The following CNIH3 variants were observed in gnomAD, a reference collection of about 807,000 sequenced individuals.
CNIH3 encodes protein cornichon homolog 3.
Under a neutral mutation model 24.1 loss-of-function variants are expected in CNIH3, and 14 were observed. That is an observed-to-expected ratio of 0.58 (90% CI 0.38 to 0.91). CNIH3 has a LOEUF of 0.91. Ranked by LOEUF, CNIH3 falls within the 40% of genes least tolerant of loss-of-function variation. CNIH3 has a pLI of 0.00. For synonymous variants in CNIH3, 68 were observed against 73.8 expected, an observed-to-expected ratio of 0.92 and a Z score of 0.40; for missense variants, 178 against 196.8, an observed-to-expected ratio of 0.90 and a Z score of 0.57.
At chr1:224,573,098 T>C (rs1369337644) in intron 4 of CNIH3, among the ~76,000 whole-genome samples, 4 of 152,234 alleles carry the variant, frequency 2.6e-5, no homozygotes, top group Non-Finnish European at 5.9e-5. Flanking sequence ...ATTTCTGTAA[T>C]ATCACTAGTA....
chr1:224,576,884 T>C (rs1681058818), intron 4 of CNIH3, among the ~76,000 whole-genome samples: 1 of 152,162 alleles, frequency 6.6e-6, no homozygotes, highest in Non-Finnish European at 1.5e-5. Flanking sequence ...TGTAGACCTA[T>C]GGAACAGAAA....
chr1:224,633,579 T>C (rs1002716337), intron 1 of CNIH3, among the ~76,000 whole-genome samples: 3 of 152,220 alleles, frequency 2.0e-5, no homozygotes, highest in African/African-American at 7.2e-5. Flanking sequence ...AACAATAGAA[T>C]AGCCAGATTT....
chr1:224,609,140 A>T (rs1682567558), intron 3 of CNIH3, among the ~76,000 whole-genome samples: 2 of 152,148 alleles, frequency 1.3e-5, no homozygotes, highest in African/African-American at 4.8e-5. Context: ...TGCCCTGCTC[A>T]TCTCTGCCTG....
chr1:224,734,498 G>C, intron 4 of CNIH3, 65 bp from the exon 5 acceptor site: 3 of 1,551,862 alleles, frequency 1.9e-6, no homozygotes, highest in South Asian at 2.3e-5. Context: ...GCATCGGAAG[G>C]GTTTGCCCAG....
At chr1:224,526,175 T>C (rs1253678298) in intron 2 of CNIH3, among the ~76,000 whole-genome samples, 43 of 152,224 alleles carry the variant, frequency 2.8e-4, no homozygotes, top group Admixed American at 2.3e-3. Flanking sequence ...AAACTTCAAG[T>C]CAAAACTCCT....
At chr1:224,672,046 T>TC (rs1685890994) in intron 1 of CNIH3, among the ~76,000 whole-genome samples, 1 of 152,210 alleles carries the variant, frequency 6.6e-6, no homozygotes, top group Admixed American at 6.5e-5. Context: ...CTCATTTTTT[T>TC]CCTCTCCAGT....
downstream of CNIH3, among the ~76,000 whole-genome samples, chr1:224,542,366 A>C (rs533931597): frequency 1.6e-4 from 25 of 152,196 alleles, no homozygotes; most frequent in Non-Finnish European, 3.1e-4. Flanking sequence ...TTGGACTAAC[A>C]GAGTACCTAT....
intron 1 of CNIH3, among the ~76,000 whole-genome samples, chr1:224,676,213 G>T (rs1256658082): frequency 6.6e-6 from 1 of 152,198 alleles, no homozygotes; most frequent in Non-Finnish European, 1.5e-5. Context: ...TAAACACATC[G>T]TGTATTTACA....
chr1:224,570,726 T>C (rs1680781031), intron 4 of CNIH3, among the ~76,000 whole-genome samples: 1 of 152,218 alleles, frequency 6.6e-6, no homozygotes, highest in African/African-American at 2.4e-5. Flanking sequence ...GTTTATATTT[T>C]TGTATAAACT....
intron 1 of CNIH3, among the ~76,000 whole-genome samples, chr1:224,477,566 T>C (rs899158175): frequency 1.3e-5 from 2 of 152,258 alleles, no homozygotes; most frequent in Non-Finnish European, 2.9e-5. Context: ...ACTTTAACTT[T>C]GTCTTCCTGC....
intron 1 of CNIH3, among the ~76,000 whole-genome samples, chr1:224,636,147 T>C (rs1263481942): frequency 6.6e-6 from 1 of 152,222 alleles, no homozygotes; most frequent in African/African-American, 2.4e-5. Flanking sequence ...TTAGAAGTGT[T>C]GGTTGCTCTG....
chr1:224,646,346 A>G (rs1193541321), intron 1 of CNIH3, among the ~76,000 whole-genome samples: 1 of 152,212 alleles, frequency 6.6e-6, no homozygotes, highest in Non-Finnish European at 1.5e-5. Flanking sequence ...CCCGGGACAC[A>G]ATTCCAAGTT....
intron 3 of CNIH3, among the ~76,000 whole-genome samples, chr1:224,710,827 A>G (rs1365817988): frequency 1.3e-5 from 2 of 152,230 alleles, no homozygotes; most frequent in Non-Finnish European, 2.9e-5. Context: ...CGTCTCTTCT[A>G]TGAAGCCTTT....
rs190504597 is a variant in CNIH3 at position 224,567,494 on chromosome 1, G to A, written n.516+1230G>A. On this transcript the variant is annotated intron_variant and non_coding_transcript_variant, in intron 4 of 5. Transcript: ENST00000471578. ...ATTTGGACCAGAAGATACCCCAAGA[G>A]CAGGCAGTGAGCAGATCACTATCTT... Among the ~76,000 whole-genome samples the A allele has an allele frequency of 2.6e-5, 4 of 152,338 alleles. No homozygotes were observed. In the East Asian group the frequency reaches 7.7e-4, roughly 29 times the overall value.
chr1:224,678,407 T>C (rs542840643), intron 1 of CNIH3, among the ~76,000 whole-genome samples: 1 of 152,352 alleles, frequency 6.6e-6, no homozygotes, highest in South Asian at 2.1e-4. Flanking sequence ...ACATCTCTAC[T>C]GTCTGTGCCA....
intron 1 of CNIH3, among the ~76,000 whole-genome samples, chr1:224,496,731 T>C (rs1245704693): frequency 6.6e-6 from 1 of 152,196 alleles, no homozygotes; most frequent in African/African-American, 2.4e-5. Context: ...ATACTACAGG[T>C]GGCATAGGAT....
At chr1:224,451,679 C>G (rs1043463143) in intron 1 of CNIH3, among the ~76,000 whole-genome samples, 4 of 152,108 alleles carry the variant, frequency 2.6e-5, no homozygotes, top group Admixed American at 1.3e-4. Flanking sequence ...GCAACTGAGG[C>G]CCAGAATGAT....
chr1:224,524,502 G>T (rs1678768590), intron 2 of CNIH3, among the ~76,000 whole-genome samples: 1 of 152,192 alleles, frequency 6.6e-6, no homozygotes, highest in Non-Finnish European at 1.5e-5. Context: ...CACCTTGATA[G>T]ATATCTGTAT....
rs1157835539 is a variant in CNIH3 at position 224,703,283 on chromosome 1, CAGCT to C, written c.198+18441_198+18444del. 6.6e-6 allele frequency among the ~76,000 whole-genome samples: 1 copy of C among 152,162 alleles called. No homozygotes were observed. The highest frequency in any genetic ancestry group is 1.5e-5 in the Non-Finnish European group (1 of 68,024). The stretch of plus-strand genomic sequence containing the variant: ...GCCAAGGTAGACGTGACCACCGGAC[CAGCT>C]GAGCCACGATGGGCAGCTTGAATGT... On this transcript the variant is annotated intron_variant, in intron 3 of 5. Transcript: ENST00000272133. This position sits in a 1 kb window ranked among gnomAD's most constrained non-coding sequence, Gnocchi z 4.2.
Sources: allele counts gnomAD v4.1 joint callset (sites outside exome capture counted in the v4.1 genomes callset), GRCh38; gene constraint gnomAD v4.1.1; non-coding constraint Gnocchi (gnomAD v3.1); transcripts MANE v1.5; gene names NCBI Gene and HGNC (gene_info 2026-07-23, HGNC 2026-07-21).